Variants in MARCHF4 observed in about 807,000 individuals in gnomAD.
MARCHF4 encodes E3 ubiquitin-protein ligase MARCHF4.
Under a neutral mutation model 43.9 loss-of-function variants are expected in MARCHF4, and 14 were observed. The ratio of observed to expected loss-of-function variants is 0.32; its 90% CI spans 0.21 to 0.50. The LOEUF (loss-of-function observed/expected upper bound fraction) is 0.50, where lower values mean the gene tolerates loss of function less well. MARCHF4 is among the 20% of genes least tolerant of loss of function. The probability of loss-of-function intolerance (pLI) is 0.98; values close to 1 mark genes in which losing one functional copy is unlikely to be tolerated. For missense variants in MARCHF4, 468 were observed against 536.7 expected, an observed-to-expected ratio of 0.87 and a Z score of 1.27; for synonymous variants, 226 against 213.3, an observed-to-expected ratio of 1.06 and a Z score of -0.52.
In MARCHF4 at chr2:216,283,527, T is replaced by C. The variant is rs60463739; in HGVS notation, c.672+47A>G. On this transcript the variant is annotated intron_variant, in intron 2 of 3. Coordinates refer to ENST00000273067, the MANE Select transcript of MARCHF4 (RefSeq NM_020814.3). The stretch of plus-strand genomic sequence containing the variant: ...AAGCCTCCTGCTAAAGCAGGTGGTG[T>C]GGAAGCCCCAGGCCCAGCAACCCCA... 2.2e-3 allele frequency: 3,435 copies of C among 1,533,762 alleles called. 60 individuals carry two copies. In the African/African-American group the frequency reaches 0.041, roughly 18 times the overall value.
At chr2:216,277,261 T>C (rs1196687239) in intron 3 of MARCHF4, among the ~76,000 whole-genome samples, 1 of 152,114 alleles carries the variant, frequency 6.6e-6, no homozygotes, top group Non-Finnish European at 1.5e-5. Context: ...GATTCAACCA[T>C]GGCTGTCTCT....
At chr2:216,337,600 C>T (rs1015828382) in intron 1 of MARCHF4, among the ~76,000 whole-genome samples, 1 of 152,214 alleles carries the variant, frequency 6.6e-6, no homozygotes, top group African/African-American at 2.4e-5. Context: ...TTTAATCACT[C>T]ATTAGCTTAG....
intron 1 of MARCHF4, among the ~76,000 whole-genome samples, chr2:216,300,726 C>T (rs1691480710): frequency 6.6e-6 from 1 of 152,076 alleles, no homozygotes; most frequent in African/African-American, 2.4e-5. Context: ...CCCACGGCTT[C>T]TGTTGAATCC....
chr2:216,371,370 G>T lies in MARCHF4; in HGVS notation c.-1110C>A, dbSNP rs1692760747. ...CCTTCGGTCGAGGGGCAAGAGCCGA[G>T]AGAAGGGCAGGTCCGGGCGGGCGAG... On this transcript the variant is annotated 5_prime_UTR_variant, in exon 1 of 4. Coordinates refer to ENST00000273067, the MANE Select transcript of MARCHF4 (RefSeq NM_020814.3). 1 of 152,826 alleles carries T rather than the reference G, an allele frequency of 6.5e-6. No homozygotes were observed. The highest frequency in any genetic ancestry group is 6.5e-5 in the Admixed American group (1 of 15,294). The allele number at this position is 152,826 out of a possible 1,614,324, so 9.5% of individuals were successfully genotyped here.
intron 3 of MARCHF4, among the ~76,000 whole-genome samples, chr2:216,271,684 T>C (rs1424579401): frequency 1.3e-5 from 2 of 152,182 alleles, no homozygotes; most frequent in East Asian, 3.8e-4. Context: ...CAGCTCTTAT[T>C]ATATGGGGTT....
At chr2:216,351,389 A>G (rs1000719750) in intron 1 of MARCHF4, 1 of 152,588 alleles carries the variant, frequency 6.6e-6, no homozygotes, top group African/African-American at 2.4e-5. Flanking sequence ...AAGCAGAACT[A>G]TGCCAAGAAG....
chr2:216,330,932 G>A (rs10932654), intron 1 of MARCHF4, among the ~76,000 whole-genome samples: 56,093 of 151,596 alleles, frequency 0.37, 10,870 homozygotes, highest in East Asian at 0.54. Flanking sequence ...TTAAAAGAAC[G>A]GCAAATTAAA....
At chr2:216,283,936 G>A (rs1265540039) in intron 1 of MARCHF4, among the ~76,000 whole-genome samples, 3 of 152,136 alleles carry the variant, frequency 2.0e-5, no homozygotes, top group Admixed American at 6.5e-5. Flanking sequence ...CACAACAAAC[G>A]GCTCTGAGCC....
chr2:216,268,914 C>A (rs1690889868), intron 3 of MARCHF4, among the ~76,000 whole-genome samples: 1 of 152,106 alleles, frequency 6.6e-6, no homozygotes, highest in African/African-American at 2.4e-5. Flanking sequence ...TCCTGCTGCC[C>A]CCATCCTCTG....
chr2:216,365,589 C>T (rs527622345), intron 1 of MARCHF4, among the ~76,000 whole-genome samples: 49 of 152,360 alleles, frequency 3.2e-4, no homozygotes, highest in South Asian at 2.1e-4. Context: ...ATCTGTCTAA[C>T]CTCAGTCTTG....
At chr2:216,280,378 G>A (rs1325098947) in intron 2 of MARCHF4, among the ~76,000 whole-genome samples, 1 of 152,078 alleles carries the variant, frequency 6.6e-6, no homozygotes, top group Admixed American at 6.5e-5. Context: ...AGAACAGGAA[G>A]GGGCACCAAC....
intron 1 of MARCHF4, among the ~76,000 whole-genome samples, chr2:216,367,933 T>C (rs1350017586): frequency 6.6e-6 from 1 of 151,826 alleles, no homozygotes; most frequent in African/African-American, 2.4e-5. Flanking sequence ...AACACACCTC[T>C]GAGGAAAGGA....
At chr2:216,321,035 A>T (rs76950050) in intron 1 of MARCHF4, among the ~76,000 whole-genome samples, 1,758 of 152,014 alleles carry the variant, frequency 0.012, 40 homozygotes, top group African/African-American at 0.04. Context: ...GTAAGAGTGA[A>T]GAATAATGAT....
At chr2:216,266,399 A>C (rs911545160) in intron 3 of MARCHF4, among the ~76,000 whole-genome samples, 1 of 152,196 alleles carries the variant, frequency 6.6e-6, no homozygotes, top group African/African-American at 2.4e-5. Flanking sequence ...AGGACACAAG[A>C]AAAGCCCACT....
intron 1 of MARCHF4, among the ~76,000 whole-genome samples, chr2:216,354,891 T>TTTTCTTTCTTTCTTTCTTCCTTTCTTTC (rs1692458483): frequency 1.2e-5 from 1 of 86,718 alleles, no homozygotes; most frequent in Non-Finnish European, 2.3e-5. Flanking sequence ...TTAATAATTG[T>TTTTCTTTCTTTCTTTCTTCCTTTCTTTC]TTTCTTTCTT....
chr2:216,333,639 C>T (rs1156668617), intron 1 of MARCHF4, among the ~76,000 whole-genome samples: 2 of 152,236 alleles, frequency 1.3e-5, no homozygotes, highest in African/African-American at 2.4e-5. Context: ...AAATCAGCTC[C>T]TCACTTGCTC....
intron 1 of MARCHF4, among the ~76,000 whole-genome samples, chr2:216,359,936 C>T (rs191175666): frequency 1.2e-4 from 18 of 152,304 alleles, no homozygotes; most frequent in African/African-American, 4.3e-4. Context: ...AATTAACTCT[C>T]CTCTCCTCCT....
chr2:216,365,266 T>C (rs1170595738), intron 1 of MARCHF4, among the ~76,000 whole-genome samples: 3 of 152,202 alleles, frequency 2.0e-5, no homozygotes, highest in Non-Finnish European at 4.4e-5. Context: ...TATTGCCCCT[T>C]CTGAATGCAG....
At position 216,370,081 on chromosome 2, in the gene MARCHF4, C is replaced by G. The variant is rs1367949253; in HGVS notation, c.180G>C (p.Ala60=). ...GGGGGTCGCCGTGCATGGGCAGGGG[C>G]GCTTGAGGAGGGCGCCGCAGTAAGA... ...KVFLLRRPPQ[A]PLPMHGDPQP... is the part of the protein sequence containing the mutation. Residue 60 remains alanine (A), a synonymous_variant, in exon 1 of 4, where the codon GCG becomes GCC. Coordinates refer to ENST00000273067, the MANE Select transcript of MARCHF4 (RefSeq NM_020814.3). 6.3e-7 allele frequency: 1 copy of G among 1,577,788 alleles called. No individual in the cohort carries two copies. The highest frequency in any genetic ancestry group is 8.6e-7 in the Non-Finnish European group (1 of 1,162,058).
Sources: gnomAD v4.1 joint callset for allele counts (sites outside exome capture counted in the v4.1 genomes callset) on GRCh38, gnomAD v4.1.1 for gene constraint, MANE v1.5 for transcripts, NCBI Gene and HGNC (gene_info 2026-07-23, HGNC 2026-07-21) for gene names.